DDX4: variants seen among roughly 807,000 people sequenced by gnomAD.
DDX4 encodes probable ATP-dependent RNA helicase DDX4.
DDX4 carries 25 observed loss-of-function variants against 100.0 expected under a neutral mutation model. The ratio of observed to expected loss-of-function variants is 0.25; its 90% CI spans 0.18 to 0.35. The LOEUF is 0.35. Ranked by LOEUF, DDX4 falls within the 10% of genes least tolerant of loss-of-function variation. The pLI, the probability that DDX4 is intolerant of heterozygous loss-of-function variation, is 1.00. For missense variants in DDX4, 635 were observed against 882.4 expected (o/e 0.72, Z 3.55); for synonymous variants, 259 against 275.7 (o/e 0.94, Z 0.60).
chr5:55,753,084 G>A lies in DDX4; in HGVS notation c.127+6863G>A, dbSNP rs1483466294. On this transcript the variant is annotated intron_variant, in intron 3 of 21. Transcript: ENST00000505374. ...AGTTCATTGTAGATTCTGGATATTA[G>A]CCCTTTATCAGATGAGTAGGTTGCG... Among the ~76,000 whole-genome samples the A allele has an allele frequency of 4.6e-5, 7 of 151,990 alleles. No individual in the cohort carries two copies. The East Asian group carries it at 1.4e-3, about 29-fold the overall frequency.
chr5:55,816,128 C>T (rs566091222), intron 21 of DDX4, among the ~76,000 whole-genome samples: 2 of 152,106 alleles, frequency 1.3e-5, no homozygotes, highest in South Asian at 4.2e-4. Flanking sequence ...TTTTTATAGG[C>T]TGAACACCGC....
intron 12 of DDX4, 111 bp downstream of exon 12, chr5:55,785,605 T>TA: frequency 7.8e-7 from 1 of 1,288,642 alleles, no homozygotes. Context: ...GTGAAAACTT[T>TA]AAAGGTAAGC....
chr5:55,799,957 G>T (rs1011878228), intron 18 of DDX4, among the ~76,000 whole-genome samples: 6 of 151,946 alleles, frequency 3.9e-5, no homozygotes, highest in Non-Finnish European at 8.8e-5. Flanking sequence ...AGCACTTACA[G>T]GCTTCTGGTC....
intron 17 of DDX4, among the ~76,000 whole-genome samples, chr5:55,793,023 AGTGTGTGTGTGTGT>A (rs10551567): frequency 6.9e-6 from 1 of 144,662 alleles, no homozygotes; most frequent in African/African-American, 2.5e-5. Flanking sequence ...TTATTTAAAA[AGTGTGTGTGTGTGT>A]GTGTGTGTGT....
intron 18 of DDX4, among the ~76,000 whole-genome samples, chr5:55,805,135 G>GGT (rs1743609546): frequency 6.6e-6 from 1 of 151,682 alleles, no homozygotes; most frequent in Non-Finnish European, 1.5e-5. Flanking sequence ...GTCTGTTATT[G>GGT]GTGTATAAGA....
chr5:55,804,288 T>C (rs977478857), intron 18 of DDX4, among the ~76,000 whole-genome samples: 19 of 152,078 alleles, frequency 1.2e-4, no homozygotes, highest in Admixed American at 6.5e-4. Flanking sequence ...TTCACTCTGA[T>C]GGTAGTTTCT....
At chr5:55,762,270 G>T (rs968418056) in intron 4 of DDX4, among the ~76,000 whole-genome samples, 1 of 151,924 alleles carries the variant, frequency 6.6e-6, no homozygotes, top group African/African-American at 2.4e-5. Context: ...TGTCTCTCCT[G>T]TTCTTTTTTT....
Position 55,814,995 on chromosome 5 carries a change from C to T in DDX4, c.1810C>T (p.Leu604=). The change falls in exon 20 of 22, where the codon CTG becomes TTG. Residue 604 remains leucine (L), a synonymous_variant. Coordinates refer to ENST00000505374, the MANE Select transcript of DDX4 (RefSeq NM_024415.3). ...LVATSVAARG[L]DIENVQHVIN... is the part of the protein sequence containing the mutation. ...TGCTACTTCAGTAGCTGCCAGAGGGCTGGATATTGAAAATGTGCAACATGT... is the reference window on the plus strand; with the variant it reads ...TGCTACTTCAGTAGCTGCCAGAGGGTTGGATATTGAAAATGTGCAACATGT... 1 of 1,614,104 alleles carries T rather than the reference C, an allele frequency of 6.2e-7. No homozygotes were observed. The highest frequency in any genetic ancestry group is 8.5e-7 in the Non-Finnish European group (1 of 1,179,944).
chr5:55,801,905 C>G (rs1185975597), intron 18 of DDX4, among the ~76,000 whole-genome samples: 4 of 152,214 alleles, frequency 2.6e-5, no homozygotes, highest in African/African-American at 9.6e-5. Flanking sequence ...GTGAATCTCA[C>G]TCTACGAAAG....
intron 16 of DDX4, among the ~76,000 whole-genome samples, chr5:55,792,221 T>C (rs1347830438): frequency 6.6e-6 from 1 of 151,882 alleles, no homozygotes; most frequent in Non-Finnish European, 1.5e-5. Context: ...TTTGGTTTCT[T>C]TTAGACTTAA....
At chr5:55,809,288 CT>C (rs1422430308) in intron 18 of DDX4, among the ~76,000 whole-genome samples, 1 of 152,216 alleles carries the variant, frequency 6.6e-6, no homozygotes, top group Non-Finnish European at 1.5e-5. Flanking sequence ...CCTGGCCGTG[CT>C]TCAGCTCACG....
chr5:55,785,409 A>C, intron 11 of DDX4, 38 bp from the exon 12 acceptor site: 2 of 1,595,102 alleles, frequency 1.3e-6, no homozygotes, highest in Non-Finnish European at 1.7e-6. Context: ...TTCAATTTTA[A>C]AAAACATGTA....
At chr5:55,792,620 C>A in intron 16 of DDX4, 21 bp from the exon 17 acceptor site, 1 of 1,371,222 alleles carries the variant, frequency 7.3e-7, no homozygotes, top group Non-Finnish European at 9.8e-7. Flanking sequence ...TTCTGTTTTA[C>A]CTTTGAAAAT....
Position 55,768,663 on chromosome 5 carries a change from C to T in DDX4, c.394+723C>T, listed in dbSNP as rs532017529. 4.8e-4 allele frequency among the ~76,000 whole-genome samples: 73 copies of T among 152,240 alleles called. 1 individual carries two copies. In the South Asian group the frequency reaches 5.8e-3, roughly 12 times the overall value. On this transcript the variant is annotated intron_variant, in intron 7 of 21. Coordinates refer to ENST00000505374, the MANE Select transcript of DDX4 (RefSeq NM_024415.3). The stretch of plus-strand genomic sequence containing the variant: ...ATACCTAATTATGGGATTGCTGGAT[C>T]GAATGGTAGTTCTGTTTTACGTTCT...
At chr5:55,813,523 G>A (rs1744233245) in intron 18 of DDX4, 150 bp from the exon 19 acceptor site, 1 of 1,094,716 alleles carries the variant, frequency 9.1e-7, no homozygotes, top group African/African-American at 1.6e-5. Context: ...TGGAATTAGA[G>A]TCCCTCTTAT....
intron 10 of DDX4, chr5:55,782,264 C>A: frequency 3.3e-6 from 1 of 299,588 alleles, no homozygotes; most frequent in East Asian, 5.7e-5. Context: ...ACTGAGATGT[C>A]ATTTATAATA....
intron 2 of DDX4, among the ~76,000 whole-genome samples, chr5:55,739,361 A>G (rs1758860529): frequency 6.6e-6 from 1 of 152,228 alleles, no homozygotes; most frequent in South Asian, 2.1e-4. Context: ...AATTGAAAAC[A>G]ATAATTACGT....
chr5:55,809,071 T>TGCTAGCAATGA (rs1464564722), intron 18 of DDX4, among the ~76,000 whole-genome samples: 1 of 152,228 alleles, frequency 6.6e-6, no homozygotes, highest in African/African-American at 2.4e-5. Flanking sequence ...CAGACTGCTG[T>TGCTAGCAATGA]GCTAGCAATG....
intron 18 of DDX4, among the ~76,000 whole-genome samples, chr5:55,804,331 A>T (rs1743546636): frequency 6.6e-6 from 1 of 151,096 alleles, no homozygotes; most frequent in Non-Finnish European, 1.5e-5. Context: ...GTTTAATTAG[A>T]TCCCATTTGT....
Sources: allele counts gnomAD v4.1 joint callset (sites outside exome capture counted in the v4.1 genomes callset), GRCh38; gene constraint gnomAD v4.1.1; transcripts MANE v1.5; gene names NCBI Gene and HGNC (gene_info 2026-07-23, HGNC 2026-07-21).